GRM1: variants seen among roughly 807,000 people sequenced by gnomAD.
The protein encoded by GRM1 is glutamate metabotropic receptor 1.
A neutral mutation model predicts 90.9 loss-of-function variants in GRM1; 33 were observed. That is an observed-to-expected ratio of 0.36 (90% CI 0.28 to 0.49). The LOEUF (loss-of-function observed/expected upper bound fraction) is 0.49. Ranked by LOEUF, GRM1 falls within the 20% of genes least tolerant of loss-of-function variation. The pLI, the probability that GRM1 is intolerant of heterozygous loss-of-function variation, is 0.99. For synonymous variants in GRM1, 700 were observed against 613.2 expected (o/e 1.14, Z -2.09); for missense variants, 1,190 against 1,534.3 (o/e 0.78, Z 3.75).
In GRM1 at chr6:146,399,142, G is replaced by A; in HGVS notation, c.2103G>A (p.Met701Ile). ...KKICTRKPRFMSAWAQVIIAS... is the reference protein window; with the variant it reads ...KKICTRKPRFISAWAQVIIAS... ...TCTGCACCCGGAAGCCCAGGTTCATGAGTGCCTGGGCTCAGGTGATCATTG... is the reference window on the plus strand; with the variant it reads ...TCTGCACCCGGAAGCCCAGGTTCATAAGTGCCTGGGCTCAGGTGATCATTG... The change falls in exon 7 of 8, where the codon ATG becomes ATA. Residue 701 changes from methionine to isoleucine, a missense_variant. Coordinates refer to ENST00000282753, the MANE Select transcript of GRM1 (RefSeq NM_001278064.2). This position sits in a 1 kb window ranked among gnomAD's most constrained non-coding sequence, Gnocchi z 5.4. 1 of 1,614,092 alleles carries A rather than the reference G, an allele frequency of 6.2e-7. No individual in the cohort carries two copies.
intron 2 of GRM1, among the ~76,000 whole-genome samples, chr6:146,250,415 TG>T (rs1349629528): frequency 6.6e-6 from 1 of 152,146 alleles, no homozygotes; most frequent in Non-Finnish European, 1.5e-5. Context: ...TTCATGATAG[TG>T]AGTGAGTTCT....
intron 1 of GRM1, among the ~76,000 whole-genome samples, chr6:146,080,653 G>A (rs1776334680): frequency 6.6e-6 from 1 of 152,120 alleles, no homozygotes; most frequent in South Asian, 2.1e-4. Context: ...GAGGATCCAA[G>A]CCTCGTTGGT....
At chr6:146,424,742 C>A (rs997334298) in intron 7 of GRM1, among the ~76,000 whole-genome samples, 1 of 152,168 alleles carries the variant, frequency 6.6e-6, no homozygotes, top group Middle Eastern at 3.2e-3. Context: ...AGACATTCCT[C>A]AAAAGTAGAG....
At chr6:146,311,685 A>G (rs1783773901) in intron 3 of GRM1, among the ~76,000 whole-genome samples, 4 of 152,224 alleles carry the variant, frequency 2.6e-5, no homozygotes, top group Admixed American at 2.0e-4. Context: ...GTACTAGAAT[A>G]TACATTTTTC....
intron 2 of GRM1, among the ~76,000 whole-genome samples, chr6:146,288,482 A>G (rs1782846295): frequency 6.6e-6 from 1 of 152,070 alleles, no homozygotes; most frequent in Non-Finnish European, 1.5e-5. Context: ...CCATAGAACA[A>G]TGGCTTTTGA....
Position 146,238,936 on chromosome 6 carries a change from T to TC in GRM1, c.951-65675_951-65674insC, listed in dbSNP as rs778678675. Among the ~76,000 whole-genome samples the TC allele has an allele frequency of 1.8e-4, 28 of 152,262 alleles. No homozygotes were observed. The South Asian group carries it at 3.5e-3, about 19-fold the overall frequency. ...GCCCAATAAGTGCACATTGCATTAA[T>TC]AGTTCAGTTCACGTGAGTATAGGAA... On this transcript the variant is annotated intron_variant, in intron 2 of 7. Coordinates refer to ENST00000282753, the MANE Select transcript of GRM1 (RefSeq NM_001278064.2).
intron 2 of GRM1, among the ~76,000 whole-genome samples, chr6:146,181,994 A>C (rs987066235): frequency 1.3e-5 from 2 of 152,146 alleles, no homozygotes; most frequent in African/African-American, 2.4e-5. Flanking sequence ...CAATTGAGAA[A>C]GGGTAGTTAT....
At chr6:146,219,806 A>ACTTT (rs1779995330) in intron 2 of GRM1, among the ~76,000 whole-genome samples, 2 of 152,162 alleles carry the variant, frequency 1.3e-5, no homozygotes, top group Non-Finnish European at 2.9e-5. Context: ...TTTGGGGAAG[A>ACTTT]ATAAAGCTAA....
chr6:146,040,660 T>C (rs763207002), intron 1 of GRM1, among the ~76,000 whole-genome samples: 6 of 152,032 alleles, frequency 3.9e-5, no homozygotes, highest in Non-Finnish European at 8.8e-5. Flanking sequence ...TTGTTTTCCT[T>C]TCTCTTGCTC....
intron 7 of GRM1, among the ~76,000 whole-genome samples, chr6:146,405,097 A>G (rs528906363): frequency 6.6e-6 from 1 of 152,332 alleles, no homozygotes; most frequent in African/African-American, 2.4e-5. Flanking sequence ...GGAATACAGG[A>G]ACAGGACAGA....
chr6:146,325,239 A>G (rs900714118), intron 3 of GRM1, among the ~76,000 whole-genome samples: 1 of 152,212 alleles, frequency 6.6e-6, no homozygotes, highest in East Asian at 1.9e-4. Flanking sequence ...AAGAGGGACA[A>G]AAAGAAAGGA....
At chr6:146,082,991 T>C (rs1466870947) in intron 1 of GRM1, among the ~76,000 whole-genome samples, 1 of 152,210 alleles carries the variant, frequency 6.6e-6, no homozygotes, top group Non-Finnish European at 1.5e-5. Context: ...TTATTCTCTT[T>C]GTAGCAATTG....
chr6:146,376,373 T>G (rs1776098472), intron 5 of GRM1, among the ~76,000 whole-genome samples: 1 of 152,170 alleles, frequency 6.6e-6, no homozygotes, highest in Non-Finnish European at 1.5e-5. Context: ...GCGAATTTTG[T>G]ACCTTGAGGT....
intron 2 of GRM1, among the ~76,000 whole-genome samples, chr6:146,220,027 G>A (rs1467214051): frequency 8.6e-5 from 13 of 152,024 alleles, no homozygotes; most frequent in Non-Finnish European, 1.3e-4. Context: ...CCGTGAGTAC[G>A]TAGAATTACA....
intron 1 of GRM1, among the ~76,000 whole-genome samples, chr6:146,126,846 CCTT>C (rs1273337445): frequency 2.6e-5 from 4 of 152,134 alleles, no homozygotes; most frequent in African/African-American, 9.7e-5. Flanking sequence ...ATGCAATAAC[CCTT>C]CTTATGGAAA....
At chr6:146,158,614 G>T (rs1374986820) in intron 1 of GRM1, among the ~76,000 whole-genome samples, 2 of 152,132 alleles carry the variant, frequency 1.3e-5, no homozygotes, top group Non-Finnish European at 1.5e-5. Context: ...AGACACAGAG[G>T]CTCATAAAAT....
chr6:146,062,481 T>A (rs895833083), intron 1 of GRM1, among the ~76,000 whole-genome samples: 4 of 128,994 alleles, frequency 3.1e-5, no homozygotes, highest in Admixed American at 2.6e-4. Flanking sequence ...GTCTCAGAAC[T>A]TAAAGTATAA....
At chr6:146,100,335 CT>C (rs1272543658) in intron 1 of GRM1, among the ~76,000 whole-genome samples, 1 of 152,046 alleles carries the variant, frequency 6.6e-6, no homozygotes, top group African/African-American at 2.4e-5. Context: ...ATCTCTTTTT[CT>C]TTATAATGAC....
intron 3 of GRM1, among the ~76,000 whole-genome samples, 167 bp downstream of exon 3, chr6:146,305,013 G>T (rs1783525240): frequency 6.6e-6 from 1 of 151,008 alleles, no homozygotes. Context: ...TATTACCCCA[G>T]GGATTCATGG....
Sources: allele counts gnomAD v4.1 joint callset (sites outside exome capture counted in the v4.1 genomes callset), GRCh38; gene constraint gnomAD v4.1.1; non-coding constraint Gnocchi (gnomAD v3.1); transcripts MANE v1.5; gene names NCBI Gene and HGNC (gene_info 2026-07-23, HGNC 2026-07-21).